COL6A5: variants seen among roughly 807,000 people sequenced by gnomAD.
COL6A5 encodes collagen alpha-5(VI) chain.
In COL6A5, 48 loss-of-function variants were observed where a neutral mutation model predicts 65.6. The ratio of observed to expected loss-of-function variants is 0.73; its 90% confidence interval spans 0.58 to 0.93. The LOEUF is 0.93. Ranked by LOEUF, COL6A5 falls within the 40% of genes least tolerant of loss-of-function variation. The pLI, the probability that COL6A5 is intolerant of heterozygous loss-of-function variation, is 0.00. For missense variants in COL6A5, 914 were observed against 928.3 expected (o/e 0.98, Z 0.20); for synonymous variants, 291 against 322.8 (o/e 0.90, Z 1.05).
At chr3:130,358,012 A>AC (rs1468611386) in intron 1 of COL6A5, among the ~76,000 whole-genome samples, 5 of 151,850 alleles carry the variant, frequency 3.3e-5, no homozygotes, top group Non-Finnish European at 7.4e-5. Context: ...ACATGGTGAA[A>AC]CCCCGTCTCT....
At chr3:130,365,912 C>G (rs964917707) in intron 1 of COL6A5, among the ~76,000 whole-genome samples, 1 of 152,148 alleles carries the variant, frequency 6.6e-6, no homozygotes, top group Admixed American at 6.5e-5. Context: ...TTGAGAATCA[C>G]CAGCCCACAG....
intron 5 of COL6A5, among the ~76,000 whole-genome samples, chr3:130,386,096 A>C (rs1203450735): frequency 2.0e-5 from 3 of 151,994 alleles, no homozygotes; most frequent in Non-Finnish European, 4.4e-5. Flanking sequence ...CTAGTTCAAG[A>C]TGGTATGTGT....
intron 1 of COL6A5, among the ~76,000 whole-genome samples, chr3:130,432,540 A>G (rs1413957525): frequency 8.4e-6 from 1 of 119,148 alleles, no homozygotes; most frequent in Non-Finnish European, 1.9e-5. Context: ...ACAGAGAAAG[A>G]CTCTGTCAAA....
intron 4 of COL6A5, among the ~76,000 whole-genome samples, chr3:130,380,546 C>T (rs2107642500): frequency 6.6e-6 from 1 of 152,226 alleles, no homozygotes; most frequent in East Asian, 1.9e-4. Flanking sequence ...TGTATCAGTG[C>T]TGTCCAACAG....
In COL6A5 at chr3:130,455,451, C is replaced by A; in HGVS notation, c.1333-4C>A. 1 of 1,587,562 alleles carries A rather than the reference C, an allele frequency of 6.3e-7. No homozygotes were observed. The highest frequency in any genetic ancestry group is 8.6e-7 in the Non-Finnish European group (1 of 1,165,076). ...GACTCACCTAAAGTTTTTTTTTCTT[C>A]TAGATTTGTTACTGAGCTACAAGAG... On this transcript the variant is annotated splice_polypyrimidine_tract_variant and splice_region_variant and intron_variant, in intron 4 of 7. Transcript: ENST00000512836.
chr3:130,410,333 C>G lies in COL6A5; in HGVS notation c.4609-138C>G. 1.8e-5 allele frequency: 12 copies of G among 684,046 alleles called. No individual in the cohort carries two copies. The South Asian group carries it at 2.3e-4, about 13-fold the overall frequency. The allele number at this position is 684,046 out of a possible 1,614,324, so 42.4% of individuals were successfully genotyped here. A position where few individuals can be genotyped will look rare whatever the true frequency, so the allele number is the denominator to read the frequency against. ...TTTTTCTTCTTGAAAGGGCATATAA[C>G]TGTTAATATGCAGAATGATCACAGC... On this transcript the variant is annotated intron_variant and NMD_transcript_variant, in intron 19 of 41. Coordinates refer to the COL6A5 transcript ENST00000312481.
intron 17 of COL6A5, among the ~76,000 whole-genome samples, chr3:130,408,643 C>A (rs544667388): frequency 6.6e-6 from 1 of 152,066 alleles, no homozygotes; most frequent in East Asian, 1.9e-4. Flanking sequence ...CTTTTGAAAC[C>A]CCTAATAAAA....
At chr3:130,361,511 G>A (rs1206261447) in intron 1 of COL6A5, among the ~76,000 whole-genome samples, 1 of 151,952 alleles carries the variant, frequency 6.6e-6, no homozygotes, top group African/African-American at 2.4e-5. Flanking sequence ...CCAAGTTTTG[G>A]CAATTATCAA....
At chr3:130,469,139 C>A (rs1709888028) in exon 6 of COL6A5, 2 of 1,612,940 alleles carry the variant, frequency 1.2e-6, no homozygotes, top group African/African-American at 2.7e-5. Context: ...AGACTCTCAA[C>A]AGCTCAATGG....
At chr3:130,376,451 G>A (rs777977976) in exon 3 of COL6A5, 19 of 1,612,344 alleles carry the variant, frequency 1.2e-5, no homozygotes, top group Non-Finnish European at 1.6e-5. Context: ...GCCCCATGCT[G>A]AACCACCTCA....
Position 130,393,088 on chromosome 3 carries a change from G to A in COL6A5, c.2992+1334G>A, listed in dbSNP as rs1441789034. Reference sequence around the variant, plus strand: ...CAGTGTTTTTTTTTTGTGTGTGTGTGTGTGTGTGTGTGTGTTTTTCTTGGA... The same window carrying A: ...CAGTGTTTTTTTTTTGTGTGTGTGTATGTGTGTGTGTGTGTTTTTCTTGGA... On this transcript the variant is annotated intron_variant and NMD_transcript_variant, in intron 7 of 41. Transcript: ENST00000312481. Among the ~76,000 whole-genome samples, 8 of 149,338 alleles carry A rather than the reference G, an allele frequency of 5.4e-5. No homozygotes were observed. The South Asian group carries it at 1.1e-3, about 20-fold the overall frequency.
exon 4 of COL6A5, chr3:130,379,536 C>T: frequency 1.3e-6 from 2 of 1,551,376 alleles, no homozygotes; most frequent in Non-Finnish European, 1.7e-6. Flanking sequence ...AGAACATTAC[C>T]AGCTCCATGG....
chr3:130,364,681 A>G (rs573836701), intron 1 of COL6A5, among the ~76,000 whole-genome samples: 1 of 152,294 alleles, frequency 6.6e-6, no homozygotes, highest in Admixed American at 6.5e-5. Context: ...AGAGGGAAAA[A>G]CGATGTGGAT....
chr3:130,450,152 G>A lies in COL6A5; in HGVS notation c.1333-5303G>A, dbSNP rs556512150. 3.3e-5 allele frequency among the ~76,000 whole-genome samples: 5 copies of A among 152,210 alleles called. No homozygotes were observed. The South Asian group carries it at 1.0e-3, about 32-fold the overall frequency. The stretch of plus-strand genomic sequence containing the variant: ...TAGATTTGTTTGTGCTGGGGGTTGC[G>A]TTGGGACCGCCTGAAGTGGAAATGC... On this transcript the variant is annotated intron_variant, in intron 4 of 7. Coordinates refer to ENST00000512836, the Ensembl canonical transcript of COL6A5.
exon 1 of COL6A5, chr3:130,431,724 C>T (rs926565246): frequency 6.4e-7 from 1 of 1,551,492 alleles, no homozygotes. Flanking sequence ...AATATCAAGA[C>T]ACCACAGAGC....
At chr3:130,405,897 A>T in intron 14 of COL6A5, 96 bp from the exon 15 acceptor site, 1 of 1,234,628 alleles carries the variant, frequency 8.1e-7, no homozygotes. Context: ...GCCCGAAGCG[A>T]CTAAAGAAAT....
At chr3:130,359,204 G>C (rs1935023966) in intron 1 of COL6A5, among the ~76,000 whole-genome samples, 1 of 152,082 alleles carries the variant, frequency 6.6e-6, no homozygotes, top group East Asian at 1.9e-4. Flanking sequence ...AAGAATATTT[G>C]AGCCATCAAT....
chr3:130,445,619 G>A (rs1023460100), intron 4 of COL6A5, among the ~76,000 whole-genome samples: 8 of 152,168 alleles, frequency 5.3e-5, no homozygotes, highest in East Asian at 1.9e-4. Context: ...GCCAATTTCC[G>A]AAGTTCTGGG....
At chr3:130,446,194 G>C (rs937817112) in intron 4 of COL6A5, among the ~76,000 whole-genome samples, 5 of 152,112 alleles carry the variant, frequency 3.3e-5, no homozygotes, top group Non-Finnish European at 7.4e-5. Flanking sequence ...TCTTCTCCTG[G>C]TTGAGCAGGG....
Sources: allele counts gnomAD v4.1 joint callset (sites outside exome capture counted in the v4.1 genomes callset), GRCh38; gene constraint gnomAD v4.1.1; transcripts MANE v1.5; gene names NCBI Gene and HGNC (gene_info 2026-07-23, HGNC 2026-07-21).